NTM: variants seen among roughly 807,000 people sequenced by gnomAD.
NTM encodes IgLON family member 2.
Under a neutral mutation model 42.1 loss-of-function variants are expected in NTM, and 13 were observed. The observed-to-expected ratio is 0.31, with a 90% CI of 0.20 to 0.49. NTM has a LOEUF of 0.49. NTM is among the 20% of genes least tolerant of loss of function. NTM has a pLI of 0.99. For synonymous variants in NTM, 187 were observed against 179.2 expected, an observed-to-expected ratio of 1.04 and a Z score of -0.35; for missense variants, 373 against 452.8, an observed-to-expected ratio of 0.82 and a Z score of 1.60.
chr11:131,937,826 T>G (rs2134171105), intron 2 of NTM, among the ~76,000 whole-genome samples: 1 of 152,294 alleles, frequency 6.6e-6, no homozygotes, highest in Middle Eastern at 3.4e-3. Flanking sequence ...TTAATGTTAT[T>G]TTGTAGGGCA....
rs188001116 is a variant in NTM, at chr11:131,880,710, G to A, written c.83-30854G>A. On this transcript the variant is annotated intron_variant, in intron 1 of 8. Transcript: ENST00000683400. The stretch of plus-strand genomic sequence containing the variant: ...CATATACACACTCTCATTTGCCTCC[G>A]GCGTTCAATTTATAGCCTGGCTGTT... 6.2e-4 allele frequency among the ~76,000 whole-genome samples: 95 copies of A among 152,210 alleles called. 2 individuals are homozygous for A. The highest frequency in any genetic ancestry group is 6.8e-3 in the Middle Eastern group (2 of 294).
intron 2 of NTM, among the ~76,000 whole-genome samples, chr11:132,010,884 G>T (rs987560567): frequency 6.6e-6 from 1 of 151,914 alleles, no homozygotes; most frequent in African/African-American, 2.4e-5. Flanking sequence ...GGTTATATTC[G>T]CAGCTCTTGG....
At chr11:132,122,409 T>G (rs2064991217) in intron 2 of NTM, among the ~76,000 whole-genome samples, 1 of 152,202 alleles carries the variant, frequency 6.6e-6, no homozygotes, top group Admixed American at 6.5e-5. Flanking sequence ...CGGCCTCCCC[T>G]GGGGCTGTTA....
chr11:131,773,388 T>C (rs2086450677), intron 1 of NTM, among the ~76,000 whole-genome samples: 1 of 152,276 alleles, frequency 6.6e-6, no homozygotes, highest in African/African-American at 2.4e-5. Context: ...GTGACACATA[T>C]GTTCAAACCA....
chr11:132,219,984 A>G (rs755629011), intron 4 of NTM, among the ~76,000 whole-genome samples: 1 of 152,220 alleles, frequency 6.6e-6, no homozygotes, highest in Non-Finnish European at 1.5e-5. Flanking sequence ...ACCATTTTCT[A>G]ATTAACATAG....
intron 2 of NTM, among the ~76,000 whole-genome samples, chr11:132,041,365 TATCTG>T (rs1010081942): frequency 7.2e-5 from 11 of 152,200 alleles, no homozygotes; most frequent in Admixed American, 5.2e-4. Context: ...AAGCCAAGTG[TATCTG>T]AAGACAAGAA....
chr11:132,010,556 A>T (rs989104477), intron 2 of NTM, among the ~76,000 whole-genome samples: 1 of 150,982 alleles, frequency 6.6e-6, no homozygotes, highest in Non-Finnish European at 1.5e-5. Context: ...TTTCCCTCCA[A>T]TGGCCAGTCC....
At chr11:131,919,691 G>GAC (rs1325787831) in intron 2 of NTM, among the ~76,000 whole-genome samples, 1 of 151,954 alleles carries the variant, frequency 6.6e-6, no homozygotes, top group Non-Finnish European at 1.5e-5. Flanking sequence ...AAAATGAGAT[G>GAC]ACACACACAA....
intron 1 of NTM, among the ~76,000 whole-genome samples, chr11:131,389,712 G>A (rs1162497573): frequency 6.6e-6 from 1 of 152,204 alleles, no homozygotes; most frequent in Admixed American, 6.5e-5. Flanking sequence ...CAATGAAATA[G>A]CAACCCAGAG....
chr11:131,542,215 G>A lies in NTM; in HGVS notation c.82+171327G>A, dbSNP rs765599917. On this transcript the variant is annotated intron_variant, in intron 1 of 8. Coordinates refer to ENST00000683400, the MANE Select transcript of NTM (RefSeq NM_001352005.2). ...GGGATGGAGAGACCCGGCACAGCTC[G>A]GAAGGTCAAGAAGGCCTCAGAGTTA... Among the ~76,000 whole-genome samples, 19 of 152,188 alleles carry A rather than the reference G, an allele frequency of 1.2e-4. 1 individual carries two copies. The highest frequency in any genetic ancestry group is 2.2e-4 in the Non-Finnish European group (15 of 68,038).
At chr11:131,944,983 T>C (rs549662591) in intron 2 of NTM, among the ~76,000 whole-genome samples, 6 of 152,324 alleles carry the variant, frequency 3.9e-5, no homozygotes, top group African/African-American at 7.2e-5. Flanking sequence ...CTGGATCTAT[T>C]TGGGCTTCAT....
At chr11:131,954,177 A>G (rs991662046) in intron 2 of NTM, among the ~76,000 whole-genome samples, 1 of 152,194 alleles carries the variant, frequency 6.6e-6, no homozygotes, top group Non-Finnish European at 1.5e-5. Context: ...TCTGAAAACC[A>G]GAGGCCAGTG....
intron 1 of NTM, among the ~76,000 whole-genome samples, chr11:131,652,401 C>A (rs1433616956): frequency 6.6e-6 from 1 of 152,110 alleles, no homozygotes; most frequent in Admixed American, 6.5e-5. Flanking sequence ...CAGAACAAAG[C>A]AAGGTGGTGC....
intron 1 of NTM, among the ~76,000 whole-genome samples, chr11:131,519,117 T>A (rs569311225): frequency 6.6e-5 from 10 of 152,248 alleles, no homozygotes; most frequent in Non-Finnish European, 1.5e-4. Context: ...TGAACAAGAA[T>A]CAGATGCGCT....
chr11:131,567,094 C>T (rs1007396756), intron 1 of NTM, among the ~76,000 whole-genome samples: 6 of 151,982 alleles, frequency 3.9e-5, no homozygotes, highest in South Asian at 2.1e-4. Context: ...TGGAAGCTCC[C>T]GTTCTATTTC....
At chr11:132,315,958 C>T (rs1396758894) in intron 7 of NTM, among the ~76,000 whole-genome samples, 1 of 152,190 alleles carries the variant, frequency 6.6e-6, no homozygotes, top group African/African-American at 2.4e-5. Flanking sequence ...TTTTGGCAGG[C>T]GTCTGTCTGC....
At chr11:131,762,155 T>A (rs1300467254) in intron 1 of NTM, among the ~76,000 whole-genome samples, 4 of 152,248 alleles carry the variant, frequency 2.6e-5, no homozygotes, top group African/African-American at 9.6e-5. Context: ...CCCAGCACTT[T>A]CGGCAGCACC....
intron 1 of NTM, among the ~76,000 whole-genome samples, chr11:131,557,234 A>G (rs561516393): frequency 6.6e-6 from 1 of 152,306 alleles, no homozygotes; most frequent in Admixed American, 6.5e-5. Flanking sequence ...TGGCCAGGAC[A>G]TGCTCTGTAA....
At chr11:132,272,764 T>A (rs2093542863) in intron 4 of NTM, among the ~76,000 whole-genome samples, 1 of 152,130 alleles carries the variant, frequency 6.6e-6, no homozygotes, top group African/African-American at 2.4e-5. Flanking sequence ...AGTTTGAATT[T>A]TTTTTAGTGG....
Sources: allele counts gnomAD v4.1 joint callset (sites outside exome capture counted in the v4.1 genomes callset), GRCh38; gene constraint gnomAD v4.1.1; transcripts MANE v1.5; gene names NCBI Gene and HGNC (gene_info 2026-07-23, HGNC 2026-07-21).